The following FOCAD variants were observed in gnomAD, a reference collection of about 807,000 sequenced individuals.
FOCAD encodes focadhesin.
A neutral mutation model predicts 225.6 loss-of-function variants in FOCAD; 198 were observed. The observed-to-expected ratio is 0.88, with a 90% confidence interval of 0.78 to 0.99. FOCAD has a LOEUF of 0.99. FOCAD is among the 50% of genes least tolerant of loss of function. The probability of loss-of-function intolerance (pLI) is 0.00; values close to 1 mark genes in which losing one functional copy is unlikely to be tolerated. For synonymous variants in FOCAD, 897 were observed against 755.0 expected (o/e 1.19, Z -3.08); for missense variants, 2,713 against 2,123.6 (o/e 1.28, Z -5.46).
intron 2 of FOCAD, among the ~76,000 whole-genome samples, chr9:20,672,595 T>G (rs890063165): frequency 6.6e-6 from 1 of 152,054 alleles, no homozygotes; most frequent in African/African-American, 2.4e-5. Flanking sequence ...GGACAACAGG[T>G]GCCCGCCACC....
At chr9:20,881,730 A>G (rs1448258393) in intron 19 of FOCAD, 141 bp from the exon 20 acceptor site, 174 of 709,950 alleles carry the variant, frequency 2.5e-4, no homozygotes, top group Non-Finnish European at 7.4e-5. Context: ...AGAAAGGGAT[A>G]GGTATCAAGA....
At chr9:20,956,819 T>A (rs977237220) in intron 35 of FOCAD, among the ~76,000 whole-genome samples, 1 of 152,132 alleles carries the variant, frequency 6.6e-6, no homozygotes, top group African/African-American at 2.4e-5. Flanking sequence ...CTTAATTTGC[T>A]GCTTCTGGGA....
At chr9:20,812,630 T>G (rs1823213172) in intron 11 of FOCAD, among the ~76,000 whole-genome samples, 2 of 152,122 alleles carry the variant, frequency 1.3e-5, no homozygotes, top group African/African-American at 2.4e-5. Flanking sequence ...GGTGAAGACT[T>G]GCATGATGGC....
At chr9:20,977,973 A>T (rs1840360769) in intron 36 of FOCAD, among the ~76,000 whole-genome samples, 1 of 152,216 alleles carries the variant, frequency 6.6e-6, no homozygotes, top group African/African-American at 2.4e-5. Context: ...CCACACCTTG[A>T]TATATTTCTT....
chr9:20,888,549 T>A (rs1194173326), intron 21 of FOCAD, among the ~76,000 whole-genome samples: 1 of 152,192 alleles, frequency 6.6e-6, no homozygotes, highest in African/African-American at 2.4e-5. Context: ...ATTACAAAAA[T>A]TTTTCATTTT....
rs1206400129 is a variant in FOCAD, at chr9:20,862,597, C to T, written c.1940C>T (p.Thr647Ile). The change falls in exon 16 of 44, where the codon ACT (threonine) becomes ATT (isoleucine). Residue 647 changes from threonine to isoleucine, a missense_variant. Thr to Ile is a moderately conservative substitution (Grantham distance 89). Coordinates refer to ENST00000338382, the MANE Select transcript of FOCAD (RefSeq NM_001375567.1). ...TCACAGGTTGTTTGCATTCGCTCCA[C>T]TTGGAATGCTCTCTCTCCAAAGCTG... ...CQAEVVCIRS[T>I]WNALSPKLSC... 6.2e-7 allele frequency: 1 copy of T among 1,613,298 alleles called. No homozygotes were observed. Among genetic ancestry groups the T allele is most frequent in the Non-Finnish European group, 8.5e-7 (1 of 1,179,548 alleles).
At chr9:20,814,374 G>A (rs957341569) in intron 11 of FOCAD, among the ~76,000 whole-genome samples, 1 of 141,540 alleles carries the variant, frequency 7.1e-6, no homozygotes, top group South Asian at 2.2e-4. Context: ...TTTTTTTTCT[G>A]AGATGAAGTC....
chr9:20,938,344 T>C (rs891069470), intron 28 of FOCAD, among the ~76,000 whole-genome samples: 10 of 152,022 alleles, frequency 6.6e-5, no homozygotes, highest in African/African-American at 1.2e-4. Context: ...TGTCCAACAA[T>C]GATAGACTGG....
intron 1 of FOCAD, among the ~76,000 whole-genome samples, chr9:20,685,030 G>C (rs1483513807): frequency 1.3e-5 from 2 of 152,128 alleles, no homozygotes; most frequent in Non-Finnish European, 2.9e-5. Context: ...TGGAGCTTTT[G>C]AAATGAATGA....
rs551776638 is a variant in FOCAD at position 20,837,074 on chromosome 9, CTT to C, written c.1920+13961_1920+13962del. 3.3e-5 allele frequency among the ~76,000 whole-genome samples: 5 copies of C among 152,186 alleles called. No homozygotes were observed. In the South Asian group the frequency reaches 1.0e-3, roughly 32 times the overall value. Reference sequence around the variant, plus strand: ...AGATTTGTTATCATCATTTAAGACACTTTACTCTGAAAATTTACAATCTCAAC... The same window carrying C: ...AGATTTGTTATCATCATTTAAGACACTACTCTGAAAATTTACAATCTCAAC... On this transcript the variant is annotated intron_variant, in intron 15 of 43. Transcript: ENST00000338382.
intron 11 of FOCAD, among the ~76,000 whole-genome samples, chr9:20,791,237 T>TCACACACACACA (rs10652100): frequency 0.029 from 4,260 of 148,532 alleles, 108 homozygotes; most frequent in South Asian, 0.097. Context: ...ACACACACAC[T>TCACACACACACA]CACACACACA....
At chr9:20,981,113 A>G (rs950793153) in intron 37 of FOCAD, among the ~76,000 whole-genome samples, 31 of 152,234 alleles carry the variant, frequency 2.0e-4, no homozygotes, top group African/African-American at 7.5e-4. Context: ...ATGTACTTTC[A>G]GAAGTAGCAT....
At chr9:20,733,374 A>G (rs574265487) in intron 4 of FOCAD, among the ~76,000 whole-genome samples, 5 of 151,900 alleles carry the variant, frequency 3.3e-5, no homozygotes, top group Non-Finnish European at 7.4e-5. Flanking sequence ...TTATTATTAT[A>G]CTTTAAGTTT....
At chr9:20,748,203 A>G (rs1195135635) in intron 5 of FOCAD, among the ~76,000 whole-genome samples, 1 of 152,138 alleles carries the variant, frequency 6.6e-6, no homozygotes, top group Non-Finnish European at 1.5e-5. Context: ...CATTAATACA[A>G]TAATTAATTT....
chr9:20,993,382 T>G, intron 43 of FOCAD, 54 bp downstream of exon 43: 1 of 1,447,194 alleles, frequency 6.9e-7, no homozygotes, highest in Non-Finnish European at 9.7e-7. Context: ...TATTGTTGTC[T>G]GTGGAGCAGA....
intron 2 of FOCAD, chr9:20,658,963 C>T (rs1043847092): frequency 1.3e-5 from 2 of 152,322 alleles, no homozygotes; most frequent in South Asian, 4.1e-4. Context: ...TGTGGTGGCT[C>T]ACGCCTAGCA....
At chr9:20,658,971 G>A (rs1587164956) in intron 2 of FOCAD, 1 of 152,516 alleles carries the variant, frequency 6.6e-6, no homozygotes, top group South Asian at 2.1e-4. Context: ...CTCACGCCTA[G>A]CACTTTGGGA....
At chr9:20,825,305 T>C (rs993966162) in intron 15 of FOCAD, among the ~76,000 whole-genome samples, 10 of 152,054 alleles carry the variant, frequency 6.6e-5, no homozygotes, top group Non-Finnish European at 1.5e-4. Flanking sequence ...TTTTGTTTTG[T>C]GTCCAGAGTG....
intron 28 of FOCAD, among the ~76,000 whole-genome samples, chr9:20,942,125 C>G (rs560091063): frequency 6.6e-6 from 1 of 152,170 alleles, no homozygotes; most frequent in Non-Finnish European, 1.5e-5. Context: ...TATACATACA[C>G]TGTTATATAT....
Sources: gnomAD v4.1 joint callset for allele counts (sites outside exome capture counted in the v4.1 genomes callset) on GRCh38, gnomAD v4.1.1 for gene constraint, MANE v1.5 for transcripts, NCBI Gene and HGNC (gene_info 2026-07-23, HGNC 2026-07-21) for gene names.